The following PCDHA7 variants were observed in gnomAD, a reference collection of about 807,000 sequenced individuals.
The protein encoded by PCDHA7 is protocadherin alpha 7.
In PCDHA7, 37 loss-of-function variants were observed where a neutral mutation model predicts 57.2. The observed-to-expected ratio is 0.65, with a 90% confidence interval of 0.50 to 0.85. The LOEUF (loss-of-function observed/expected upper bound fraction) is 0.85. Among genes scored for constraint, PCDHA7 ranks in the 40% least tolerant of loss-of-function variants. The pLI is 0.00. For synonymous variants in PCDHA7, 553 were observed against 558.8 expected (o/e 0.99, Z 0.15); for missense variants, 1,188 against 1,241.8 (o/e 0.96, Z 0.65).
rs112377727 is a variant in PCDHA7, at chr5:140,875,811, G to T, written c.2355+39073G>T. The T allele has an allele frequency of 3.6e-4, 584 of 1,614,186 alleles. 8 individuals are homozygous for T. Among genetic ancestry groups the T allele is most frequent in the South Asian group, 3.4e-3 (314 of 91,084 alleles). On this transcript the variant is annotated intron_variant, in intron 1 of 3. Coordinates refer to ENST00000525929, the MANE Select transcript of PCDHA7 (RefSeq NM_018910.3). ...ACCTGGAGGTGATCGTGGACAGGCC[G>T]CTGCAGGTTTTCCATGTGGACGTGG...
chr5:140,856,859 G>A, intron 1 of PCDHA7: 1 of 1,594,674 alleles, frequency 6.3e-7, no homozygotes, highest in African/African-American at 1.3e-5. Flanking sequence ...TTCGGATGAA[G>A]GAATAAACAA....
At chr5:140,992,019 G>C (rs1326705755) in intron 3 of PCDHA7, among the ~76,000 whole-genome samples, 2 of 50,642 alleles carry the variant, frequency 3.9e-5, no homozygotes, top group African/African-American at 6.0e-5. Context: ...AGGTGGCTCT[G>C]TGTGTGTGTG....
intron 1 of PCDHA7, chr5:140,878,201 T>C (rs1157119125): frequency 6.1e-6 from 1 of 164,102 alleles, no homozygotes; most frequent in African/African-American, 2.4e-5. Context: ...GTTGCAAGAA[T>C]GGTACAAAGA....
In PCDHA7 at chr5:140,850,223, AGT is replaced by A. The variant is rs2041441871; in HGVS notation, c.2355+13487_2355+13488del. The A allele has an allele frequency of 1.0e-5, 16 of 1,593,640 alleles. 2 individuals carry two copies. Among genetic ancestry groups the A allele is most frequent in the Non-Finnish European group, 1.2e-5 (14 of 1,167,580 alleles). ...CTCGGATGAGGGGCACTGACGGCGC[AGT>A]GAGCGAGATGGTGCTGCGGTCGGTG... On this transcript the variant is annotated intron_variant, in intron 1 of 3. Transcript: ENST00000525929.
At chr5:140,870,390 G>T (rs377600629) in intron 1 of PCDHA7, 248 of 1,614,112 alleles carry the variant, frequency 1.5e-4, no homozygotes, top group Non-Finnish European at 1.8e-4. Context: ...CGCGGGATGG[G>T]GGTTCGCCTT....
intron 1 of PCDHA7, among the ~76,000 whole-genome samples, chr5:140,916,853 T>G (rs1233420106): frequency 1.3e-5 from 2 of 152,160 alleles, no homozygotes; most frequent in East Asian, 3.9e-4. Flanking sequence ...AGCCCAGCAC[T>G]AGGAGTTACC....
intron 1 of PCDHA7, among the ~76,000 whole-genome samples, chr5:140,962,643 T>G (rs1456773642): frequency 6.6e-6 from 1 of 152,222 alleles, no homozygotes; most frequent in Non-Finnish European, 1.5e-5. Context: ...GCCATCAAGT[T>G]ATGTGAAAAC....
At chr5:140,992,271 T>C (rs1375901464) in intron 3 of PCDHA7, among the ~76,000 whole-genome samples, 1 of 152,184 alleles carries the variant, frequency 6.6e-6, no homozygotes, top group African/African-American at 2.4e-5. Flanking sequence ...GTTCTTTTCG[T>C]AGCACATCCC....
At chr5:140,907,647 G>A (rs1336039908) in intron 1 of PCDHA7, among the ~76,000 whole-genome samples, 1 of 152,192 alleles carries the variant, frequency 6.6e-6, no homozygotes, top group East Asian at 1.9e-4. Flanking sequence ...CTGGCAAATT[G>A]GGCACTCAGC....
At chr5:140,878,923 A>G (rs895670993) in intron 1 of PCDHA7, among the ~76,000 whole-genome samples, 8 of 152,222 alleles carry the variant, frequency 5.3e-5, no homozygotes, top group African/African-American at 1.9e-4. Flanking sequence ...AGCTTCAATC[A>G]ATAATTTTAA....
chr5:140,904,098 A>G (rs184234910), intron 1 of PCDHA7, among the ~76,000 whole-genome samples: 35 of 152,296 alleles, frequency 2.3e-4, no homozygotes, highest in African/African-American at 7.9e-4. Context: ...TAACTACTTT[A>G]GTGGTCATTG....
chr5:140,926,742 C>G (rs1454782151), intron 1 of PCDHA7: 2 of 1,199,338 alleles, frequency 1.7e-6, no homozygotes, highest in East Asian at 5.8e-5. Context: ...GGAGGCGCAA[C>G]GTCGGCGGTC....
At chr5:140,938,210 T>G (rs1355577102) in intron 1 of PCDHA7, among the ~76,000 whole-genome samples, 2 of 152,140 alleles carry the variant, frequency 1.3e-5, no homozygotes, top group East Asian at 3.8e-4. Flanking sequence ...CCTCCCAAAG[T>G]GCTGGGATTA....
chr5:140,888,441 A>G (rs2061829051), intron 1 of PCDHA7, among the ~76,000 whole-genome samples: 1 of 152,222 alleles, frequency 6.6e-6, no homozygotes, highest in African/African-American at 2.4e-5. Context: ...CAGCCGCCCA[A>G]CAATAAAGAA....
At chr5:141,007,000 G>A (rs2098298646) in intron 3 of PCDHA7, among the ~76,000 whole-genome samples, 1 of 152,128 alleles carries the variant, frequency 6.6e-6, no homozygotes, top group South Asian at 2.1e-4. Flanking sequence ...ATATAAGTCT[G>A]CATCTCATCA....
intron 1 of PCDHA7, chr5:140,870,429 G>T (rs1198109995): frequency 6.2e-7 from 1 of 1,614,238 alleles, no homozygotes; most frequent in African/African-American, 1.3e-5. Flanking sequence ...GGGTATCCGT[G>T]GAGGTGGCCG....
In PCDHA7 at chr5:140,836,389, T is replaced by TG. The variant is rs1328834113; in HGVS notation, c.2008dup (p.Val670GlyfsTer60). ...GCCACAGCCACCGTGCTGGTGTCGC[T>TG]GGTGGAAAGCGGCCAGGCACCAAAG... On this transcript the variant is annotated frameshift_variant, in exon 1 of 4. Coordinates refer to ENST00000525929, the MANE Select transcript of PCDHA7 (RefSeq NM_018910.3). LOFTEE classifies it high-confidence loss of function. 1 of 1,613,560 alleles carries TG rather than the reference T, an allele frequency of 6.2e-7. No homozygotes were observed. Among genetic ancestry groups the TG allele is most frequent in the East Asian group, 2.2e-5 (1 of 44,880 alleles).
chr5:141,002,166 G>A (rs1212034616), intron 3 of PCDHA7, among the ~76,000 whole-genome samples: 1 of 152,234 alleles, frequency 6.6e-6, no homozygotes, highest in Non-Finnish European at 1.5e-5. Context: ...TGGGCGGTAG[G>A]CAGGCTCCAG....
At chr5:140,856,568 A>T (rs1554148862) in intron 1 of PCDHA7, 2 of 1,597,928 alleles carry the variant, frequency 1.3e-6, no homozygotes, top group Middle Eastern at 3.3e-4. Flanking sequence ...ACTCAGTCCA[A>T]ATGAGTATTT....
Sources: allele counts gnomAD v4.1 joint callset (sites outside exome capture counted in the v4.1 genomes callset), GRCh38; gene constraint gnomAD v4.1.1; transcripts MANE v1.5; gene names NCBI Gene and HGNC (gene_info 2026-07-23, HGNC 2026-07-21).